Variants in ARMC9 observed in about 807,000 individuals in gnomAD.
The protein encoded by ARMC9 is lisH domain-containing protein ARMC9.
A neutral mutation model predicts 107.0 loss-of-function variants in ARMC9; 94 were observed. That is an observed-to-expected ratio of 0.88 (90% confidence interval 0.74 to 1.04). ARMC9 has a LOEUF of 1.04. ARMC9 is among the 50% of genes least tolerant of loss of function. The pLI, the probability that ARMC9 is intolerant of heterozygous loss-of-function variation, is 0.00. For synonymous variants in ARMC9, 380 were observed against 396.9 expected, an observed-to-expected ratio of 0.96 and a Z score of 0.51; for missense variants, 942 against 1,030.1, an observed-to-expected ratio of 0.91 and a Z score of 1.17.
rs1341987081 is a variant in ARMC9 at position 231,328,814 on chromosome 2, C to CTTTTTTTTTTTTTTTTTT, written c.1774-2975_1774-2974insTTTTTTTTTTTTTTTTTT. Among the ~76,000 whole-genome samples, 439 of 127,112 alleles carry CTTTTTTTTTTTTTTTTTT rather than the reference C, an allele frequency of 3.5e-3. 35 individuals carry two copies. The highest frequency in any genetic ancestry group is 3.8e-3 in the African/African-American group (131 of 34,796). The allele number at this position is 127,112 out of a possible 152,430, so 83.4% of individuals were successfully genotyped here. A position where few individuals can be genotyped will look rare whatever the true frequency, so the allele number is the denominator to read the frequency against. ...AGCGTGTTCAATTTTCTTTTCTTTT[C>CTTTTTTTTTTTTTTTTTT]TTTTCTTTTTTTTTTTTTGAGTCGG... On this transcript the variant is annotated intron_variant, in intron 19 of 24. Coordinates refer to ENST00000611582, the MANE Select transcript of ARMC9 (RefSeq NM_001352754.2).
At position 231,255,087 on chromosome 2, in the gene ARMC9, C is replaced by T. The variant is rs942636120; in HGVS notation, c.880-1499C>T. 3.3e-5 allele frequency among the ~76,000 whole-genome samples: 5 copies of T among 151,960 alleles called. No individual in the cohort carries two copies. The highest frequency in any genetic ancestry group is 1.2e-4 in the African/African-American group (5 of 41,356). On this transcript the variant is annotated intron_variant, in intron 9 of 24. Transcript: ENST00000611582. This position sits in a 1 kb window ranked among gnomAD's most constrained non-coding sequence, Gnocchi z 4.7. ...CTTTTTACAGTTGGTTTATTTGAGT[C>T]AGTTCAAACAAGCACTACACACTGT...
chr2:231,276,999 C>T (rs1316932346), intron 15 of ARMC9, among the ~76,000 whole-genome samples: 1 of 152,198 alleles, frequency 6.6e-6, no homozygotes, highest in Admixed American at 6.5e-5. Flanking sequence ...GTAGTGCCTG[C>T]ATTAAGAGGA....
At chr2:231,228,685 A>AG (rs2034910676) in intron 7 of ARMC9, among the ~76,000 whole-genome samples, 1 of 152,172 alleles carries the variant, frequency 6.6e-6, no homozygotes, top group South Asian at 2.1e-4. Context: ...GATGGGAAGG[A>AG]GGGTGTGTCA....
chr2:231,352,691 ATAGATAG>A (rs1266432973), intron 21 of ARMC9, among the ~76,000 whole-genome samples: 2 of 151,634 alleles, frequency 1.3e-5, no homozygotes, highest in African/African-American at 2.4e-5. Flanking sequence ...AGATAGATAG[ATAGATAG>A]ATAGATAGAT....
chr2:231,358,375 A>G lies in ARMC9; in HGVS notation c.2132-2379A>G, dbSNP rs933440017. 1.3e-5 allele frequency among the ~76,000 whole-genome samples: 2 copies of G among 151,524 alleles called. No individual in the cohort carries two copies. Among genetic ancestry groups the G allele is most frequent in the African/African-American group, 4.9e-5 (2 of 41,146 alleles). ...AATTGATTGATTGATTGATTGATTG[A>G]TTGATTGTAGAGAGAGGTGTCTCTC... On this transcript the variant is annotated intron_variant, in intron 22 of 24. Coordinates refer to ENST00000611582, the MANE Select transcript of ARMC9 (RefSeq NM_001352754.2). The surrounding 1 kb of genome is among the most constrained non-coding windows in gnomAD (Gnocchi z 4.5).
intron 11 of ARMC9, 52 bp from the exon 12 acceptor site, chr2:231,262,252 CTT>C (rs2038434164): frequency 6.4e-7 from 1 of 1,562,096 alleles, no homozygotes; most frequent in Non-Finnish European, 8.8e-7. Context: ...CTATGAGAAA[CTT>C]TTCTCCATGA....
At chr2:231,349,256 G>A (rs1033887538) in intron 21 of ARMC9, among the ~76,000 whole-genome samples, 4 of 152,184 alleles carry the variant, frequency 2.6e-5, no homozygotes, top group African/African-American at 7.2e-5. Flanking sequence ...CAGTGCAAAA[G>A]AATGAGATCC....
At chr2:231,355,715 A>G in intron 21 of ARMC9, 83 bp from the exon 22 acceptor site, 2 of 1,426,182 alleles carry the variant, frequency 1.4e-6, no homozygotes, top group South Asian at 1.4e-5. Flanking sequence ...CCCCTCCTGT[A>G]TTTGTGATGC....
At chr2:231,269,450 A>T (rs991295815) in intron 12 of ARMC9, among the ~76,000 whole-genome samples, 1 of 125,092 alleles carries the variant, frequency 8.0e-6, no homozygotes. Flanking sequence ...CCCTGGCATG[A>T]TCTCAGCTCA....
intron 5 of ARMC9, among the ~76,000 whole-genome samples, chr2:231,217,588 C>T (rs1403746007): frequency 1.3e-5 from 2 of 150,690 alleles, no homozygotes; most frequent in Admixed American, 6.6e-5. Flanking sequence ...AAAAAAATTA[C>T]AGAAAGCAAG....
intron 4 of ARMC9, among the ~76,000 whole-genome samples, chr2:231,215,646 T>G (rs2033416373): frequency 6.6e-6 from 1 of 152,338 alleles, no homozygotes; most frequent in East Asian, 1.9e-4. Flanking sequence ...CTGCGGTGGC[T>G]GAGCTTTGAG....
chr2:231,279,629 G>T (rs1237869348), intron 16 of ARMC9, among the ~76,000 whole-genome samples: 1 of 150,034 alleles, frequency 6.7e-6, no homozygotes, highest in Non-Finnish European at 1.5e-5. Context: ...TCCTGCCTCA[G>T]CCTCCCAAGT....
At chr2:231,341,673 GATAGA>G (rs1324831022) in intron 20 of ARMC9, among the ~76,000 whole-genome samples, 1 of 149,480 alleles carries the variant, frequency 6.7e-6, no homozygotes, top group African/African-American at 2.6e-5. Context: ...TAGATAGATA[GATAGA>G]GTATACCTGT....
intron 15 of ARMC9, among the ~76,000 whole-genome samples, chr2:231,277,913 A>G (rs1174639111): frequency 6.6e-6 from 1 of 152,192 alleles, no homozygotes; most frequent in Non-Finnish European, 1.5e-5. Flanking sequence ...GCTTTTCTTC[A>G]TCATCATCAC....
In ARMC9 at chr2:231,221,353, C is replaced by T. The variant is rs187798733; in HGVS notation, c.505-1375C>T. 2.6e-4 allele frequency among the ~76,000 whole-genome samples: 39 copies of T among 152,180 alleles called. 2 individuals carry two copies. In the East Asian group the frequency reaches 6.9e-3, roughly 27 times the overall value. ...AAGGACACACCCTACTCCAGTGTGA[C>T]CTTATCTTAACTTTAATTACATCTG... On this transcript the variant is annotated intron_variant, in intron 5 of 24. Coordinates refer to ENST00000611582, the MANE Select transcript of ARMC9 (RefSeq NM_001352754.2).
intron 17 of ARMC9, among the ~76,000 whole-genome samples, chr2:231,289,867 C>T (rs1395682382): frequency 1.3e-5 from 2 of 152,222 alleles, no homozygotes; most frequent in Admixed American, 1.3e-4. Flanking sequence ...TCTCTCACTG[C>T]CATCACTGGG....
chr2:231,270,197 A>G (rs1304299868), intron 12 of ARMC9, among the ~76,000 whole-genome samples: 1 of 152,162 alleles, frequency 6.6e-6, no homozygotes, highest in Non-Finnish European at 1.5e-5. Context: ...TCTGTTCCAC[A>G]TTCATTCTGC....
chr2:231,368,110 G>A (rs1020857083), intron 23 of ARMC9, among the ~76,000 whole-genome samples: 61 of 151,942 alleles, frequency 4.0e-4, no homozygotes, highest in African/African-American at 1.4e-3. Flanking sequence ...GGTTACACAC[G>A]TTATACCTGC....
intron 8 of ARMC9, among the ~76,000 whole-genome samples, chr2:231,237,753 GTATATATATATATATA>G (rs1226959333): frequency 4.1e-5 from 1 of 24,428 alleles, no homozygotes; most frequent in Non-Finnish European, 7.6e-5. Flanking sequence ...TTGGCTATAT[GTATATATATATATATA>G]TATATATATA....
Sources: allele counts gnomAD v4.1 joint callset (sites outside exome capture counted in the v4.1 genomes callset), GRCh38; gene constraint gnomAD v4.1.1; non-coding constraint Gnocchi (gnomAD v3.1); transcripts MANE v1.5; gene names NCBI Gene and HGNC (gene_info 2026-07-23, HGNC 2026-07-21).